Variants in KAT2B observed in about 807,000 individuals in gnomAD.
KAT2B encodes the protein histone acetyltransferase KAT2B.
Under a neutral mutation model 105.9 loss-of-function variants are expected in KAT2B, and 36 were observed. The observed-to-expected ratio is 0.34, with a 90% CI of 0.26 to 0.45. The LOEUF (loss-of-function observed/expected upper bound fraction) is 0.45, where lower values mean the gene tolerates loss of function less well. KAT2B is among the 20% of genes least tolerant of loss of function. The pLI, the probability that KAT2B is intolerant of heterozygous loss-of-function variation, is 1.00. For missense variants in KAT2B, 820 were observed against 1,021.6 expected, an observed-to-expected ratio of 0.80 and a Z score of 2.69; for synonymous variants, 397 against 377.9, an observed-to-expected ratio of 1.05 and a Z score of -0.59.
chr3:20,105,765 C>T lies in KAT2B; in HGVS notation c.851+4297C>T, dbSNP rs1456762219. ...GGAGCTGTCCATGATCCTACCACTG[C>T]ACTCCGGCCTGGGTGACAGAGCACG... On this transcript the variant is annotated intron_variant, in intron 5 of 17. Coordinates refer to ENST00000263754, the MANE Select transcript of KAT2B (RefSeq NM_003884.5). Among the ~76,000 whole-genome samples the T allele has an allele frequency of 2.1e-5, 3 of 144,466 alleles. No homozygotes were observed. The Admixed American group carries it at 2.1e-4, about 10-fold the overall frequency. 94.8% of individuals were successfully genotyped at this position (144,466 alleles called of 152,430 possible).
chr3:20,080,725 A>G (rs754728246), intron 2 of KAT2B, among the ~76,000 whole-genome samples: 3 of 152,310 alleles, frequency 2.0e-5, no homozygotes, highest in South Asian at 2.1e-4. Context: ...AACACTTGCA[A>G]TTTCACTAGT....
At chr3:20,111,502 C>A in intron 5 of KAT2B, 94 bp from the exon 6 acceptor site, 5 of 1,045,028 alleles carry the variant, frequency 4.8e-6, no homozygotes, top group Non-Finnish European at 6.9e-6. Flanking sequence ...TTTTTTTCTG[C>A]TATAGTTAAT....
At chr3:20,071,712 C>T (rs1421285593) in intron 1 of KAT2B, among the ~76,000 whole-genome samples, 1 of 152,142 alleles carries the variant, frequency 6.6e-6, no homozygotes, top group Non-Finnish European at 1.5e-5. Flanking sequence ...TGTTCTAGTA[C>T]AGGAAACCTG....
rs1699082083 is a variant in KAT2B, at chr3:20,109,482, GA to G, written c.852-2113del. On this transcript the variant is annotated intron_variant, in intron 5 of 17. Coordinates refer to ENST00000263754, the MANE Select transcript of KAT2B (RefSeq NM_003884.5). ...TAGGTATGTGCCAATACATCTGGCTGATTTTTAAACTTTTTGTAGAGATGGG... is the reference window on the plus strand; with the variant it reads ...TAGGTATGTGCCAATACATCTGGCTGTTTTTAAACTTTTTGTAGAGATGGG... Among the ~76,000 whole-genome samples, 4 of 152,194 alleles carry G rather than the reference GA, an allele frequency of 2.6e-5. No homozygotes were observed. In the South Asian group the frequency reaches 8.3e-4, roughly 32 times the overall value.
At chr3:20,094,214 G>A (rs575117183) in intron 2 of KAT2B, among the ~76,000 whole-genome samples, 3 of 152,278 alleles carry the variant, frequency 2.0e-5, no homozygotes, top group East Asian at 3.9e-4. Context: ...AATCATGGTG[G>A]AAGGTGAAGG....
intron 2 of KAT2B, among the ~76,000 whole-genome samples, chr3:20,083,002 T>C (rs1698547214): frequency 6.6e-6 from 1 of 151,948 alleles, no homozygotes; most frequent in African/African-American, 2.4e-5. Flanking sequence ...CAGTAGGGGG[T>C]GCTTATTAAT....
intron 1 of KAT2B, among the ~76,000 whole-genome samples, chr3:20,069,813 G>A (rs1698287313): frequency 6.6e-6 from 1 of 152,172 alleles, no homozygotes; most frequent in African/African-American, 2.4e-5. Flanking sequence ...ACAGGTGTGA[G>A]CCACTGCGCC....
chr3:20,118,698 C>T (rs1002451406), intron 7 of KAT2B, among the ~76,000 whole-genome samples: 2 of 136,032 alleles, frequency 1.5e-5, no homozygotes, highest in Admixed American at 7.9e-5. Context: ...TGCACTCCAG[C>T]CTGGGCGACA....
chr3:20,083,558 C>T lies in KAT2B; in HGVS notation c.430+11099C>T, dbSNP rs115912731. ...AAACAAGTCTAATTCTGGTCAGCAT[C>T]CCCAAAGAGCCAGGAGTAGTCTCTG... On this transcript the variant is annotated intron_variant, in intron 2 of 17. Coordinates refer to ENST00000263754, the MANE Select transcript of KAT2B (RefSeq NM_003884.5). 4.7e-3 allele frequency among the ~76,000 whole-genome samples: 722 copies of T among 152,230 alleles called. 8 individuals are homozygous for T. Among genetic ancestry groups the T allele is most frequent in the African/African-American group, 0.016 (682 of 41,534 alleles).
At chr3:20,101,609 T>C (rs1017182391) in intron 5 of KAT2B, 141 bp downstream of exon 5, 3 of 653,682 alleles carry the variant, frequency 4.6e-6, no homozygotes, top group Non-Finnish European at 7.8e-6. Context: ...ATAATTTAAC[T>C]TGCAAACTCC....
chr3:20,117,631 G>T (rs971758284), intron 7 of KAT2B, among the ~76,000 whole-genome samples: 1 of 152,180 alleles, frequency 6.6e-6, no homozygotes, highest in Non-Finnish European at 1.5e-5. Context: ...TATCTCTCTT[G>T]CTTGGTTTAC....
At chr3:20,088,952 G>T (rs1698667708) in intron 2 of KAT2B, among the ~76,000 whole-genome samples, 1 of 152,072 alleles carries the variant, frequency 6.6e-6, no homozygotes, top group South Asian at 2.1e-4. Flanking sequence ...TCATTCTTTT[G>T]CATGTGGATA....
At chr3:20,152,248 CAT>C (rs1181338616) in intron 17 of KAT2B, 82 bp from the exon 18 acceptor site, 1 of 871,546 alleles carries the variant, frequency 1.1e-6, no homozygotes, top group Non-Finnish European at 1.8e-6. Flanking sequence ...AAACCAACAA[CAT>C]AGATTCCTTT....
Position 20,126,130 on chromosome 3 carries a change from G to GTTCC in KAT2B, c.1622+21_1622+24dup. The GTTCC allele has an allele frequency of 6.4e-7, 1 of 1,560,448 alleles. No individual in the cohort carries two copies. The stretch of plus-strand genomic sequence containing the variant: ...CTTTGACCCGTAAGTGGTACTTTCT[G>GTTCC]TTCCTTCTTCCTTATTTCCTTTTTA... On this transcript the variant is annotated intron_variant, in intron 10 of 17. Coordinates refer to ENST00000263754, the MANE Select transcript of KAT2B (RefSeq NM_003884.5).
chr3:20,131,376 C>T (rs1440287201), intron 11 of KAT2B, among the ~76,000 whole-genome samples: 1 of 151,960 alleles, frequency 6.6e-6, no homozygotes, highest in East Asian at 1.9e-4. Flanking sequence ...TTTGAGACAT[C>T]ACACTGCCCA....
rs554330735 is a variant in KAT2B at position 20,101,812 on chromosome 3, A to G, written c.851+344A>G. 9.8e-5 allele frequency among the ~76,000 whole-genome samples: 15 copies of G among 152,352 alleles called. No homozygotes were observed. In the East Asian group the frequency reaches 2.5e-3, roughly 25 times the overall value. On this transcript the variant is annotated intron_variant, in intron 5 of 17. Coordinates refer to ENST00000263754, the MANE Select transcript of KAT2B (RefSeq NM_003884.5). ...AATATTGATTACATGTAGAAATGAT[A>G]GTACATTGGATACATTGGATTAAAT...
At position 20,076,449 on chromosome 3, in the gene KAT2B, GTTTA is replaced by G. The variant is rs754578482; in HGVS notation, c.430+3997_430+4000del. Among the ~76,000 whole-genome samples the G allele has an allele frequency of 1.8e-4, 27 of 152,140 alleles. 1 individual carries two copies. The highest frequency in any genetic ancestry group is 4.6e-4 in the African/African-American group (19 of 41,432). On this transcript the variant is annotated intron_variant, in intron 2 of 17. Coordinates refer to ENST00000263754, the MANE Select transcript of KAT2B (RefSeq NM_003884.5). ...TTGGAATTATTGTTGGAATGCCAGT[GTTTA>G]TTTATTGGTCTTAGTATAACAGCTC...
chr3:20,084,078 T>C (rs1698571471), intron 2 of KAT2B, among the ~76,000 whole-genome samples: 1 of 152,210 alleles, frequency 6.6e-6, no homozygotes, highest in African/African-American at 2.4e-5. Flanking sequence ...AAAAGGGATC[T>C]GTAGTTGGCC....
chr3:20,048,510 T>G lies in KAT2B; in HGVS notation c.303+7730T>G, dbSNP rs796612600. ...TAGCCAGATTTAATTCTGCGGTTGT[T>G]AAGTAAATCCATAGGGTCTGATCCA... On this transcript the variant is annotated intron_variant, in intron 1 of 17. Transcript: ENST00000263754. 1.3e-4 allele frequency among the ~76,000 whole-genome samples: 20 copies of G among 152,298 alleles called. 1 individual carries two copies. Among genetic ancestry groups the G allele is most frequent in the African/African-American group, 4.6e-4 (19 of 41,552 alleles).
Sources: allele counts gnomAD v4.1 joint callset (sites outside exome capture counted in the v4.1 genomes callset), GRCh38; gene constraint gnomAD v4.1.1; transcripts MANE v1.5; gene names NCBI Gene and HGNC (gene_info 2026-07-23, HGNC 2026-07-21).